The following KCNIP4 variants were observed in gnomAD, a reference collection of about 807,000 sequenced individuals.
KCNIP4 encodes potassium voltage-gated channel interacting protein 4.
KCNIP4 carries 12 observed loss-of-function variants against 34.0 expected under a neutral mutation model. The observed-to-expected ratio is 0.35, with a 90% confidence interval of 0.23 to 0.57. KCNIP4 has a LOEUF of 0.57. Ranked by LOEUF, KCNIP4 falls within the 20% of genes least tolerant of loss-of-function variation. The pLI, the probability that KCNIP4 is intolerant of heterozygous loss-of-function variation, is 0.83. For missense variants in KCNIP4, 238 were observed against 311.7 expected (o/e 0.76, Z 1.78); for synonymous variants, 124 against 102.2 (o/e 1.21, Z -1.29).
At chr4:21,109,100 C>A (rs1479037003) in intron 1 of KCNIP4, among the ~76,000 whole-genome samples, 1 of 152,034 alleles carries the variant, frequency 6.6e-6, no homozygotes, top group Admixed American at 6.6e-5. Flanking sequence ...TCTCCAGCTG[C>A]GTGCTGGGAG....
chr4:21,242,796 A>G (rs537116453), intron 1 of KCNIP4, among the ~76,000 whole-genome samples: 1 of 152,092 alleles, frequency 6.6e-6, no homozygotes, highest in African/African-American at 2.4e-5. Context: ...GCAGACTGCA[A>G]ATCATGAAAC....
intron 1 of KCNIP4, among the ~76,000 whole-genome samples, chr4:21,407,357 C>T (rs1022772388): frequency 9.9e-5 from 15 of 152,090 alleles, no homozygotes; most frequent in African/African-American, 3.4e-4. Flanking sequence ...TATTCTTCCT[C>T]ATTTTACTCA....
At chr4:21,629,508 G>A (rs1577718830) in intron 1 of KCNIP4, among the ~76,000 whole-genome samples, 1 of 152,136 alleles carries the variant, frequency 6.6e-6, no homozygotes, top group South Asian at 2.1e-4. Flanking sequence ...CACTGCTAGT[G>A]TTCTTAGACT....
At chr4:21,731,796 T>C (rs1485048541) in intron 1 of KCNIP4, among the ~76,000 whole-genome samples, 1 of 152,046 alleles carries the variant, frequency 6.6e-6, no homozygotes, top group African/African-American at 2.4e-5. Context: ...CCATATGCCA[T>C]CAAGAGATGA....
chr4:21,936,377 T>C (rs1390607902), intron 1 of KCNIP4, among the ~76,000 whole-genome samples: 1 of 152,120 alleles, frequency 6.6e-6, no homozygotes, highest in African/African-American at 2.4e-5. Context: ...TGCTCTTCCT[T>C]GTCTTCTACC....
chr4:21,893,352 C>T (rs1220076567), intron 1 of KCNIP4, among the ~76,000 whole-genome samples: 2 of 152,128 alleles, frequency 1.3e-5, no homozygotes, highest in African/African-American at 4.8e-5. Context: ...GATGTCGAAA[C>T]AGTTTTTTAT....
intron 1 of KCNIP4, among the ~76,000 whole-genome samples, chr4:21,908,706 G>A (rs1442824969): frequency 1.3e-5 from 2 of 152,136 alleles, no homozygotes; most frequent in African/African-American, 4.8e-5. Context: ...GTTTAGGAAG[G>A]ATTTTAGAGC....
chr4:21,095,261 A>G (rs945188011), intron 1 of KCNIP4, among the ~76,000 whole-genome samples: 2 of 152,146 alleles, frequency 1.3e-5, no homozygotes, highest in Non-Finnish European at 2.9e-5. Context: ...CTGGTTTGGG[A>G]TTATCAGATT....
intron 1 of KCNIP4, among the ~76,000 whole-genome samples, chr4:21,134,045 C>T (rs1412388524): frequency 6.6e-6 from 1 of 152,096 alleles, no homozygotes; most frequent in African/African-American, 2.4e-5. Context: ...TCTAACCCCC[C>T]AAACCCATAA....
At chr4:21,247,574 A>AATATATATATATAT (rs1760304814) in intron 1 of KCNIP4, among the ~76,000 whole-genome samples, 2 of 118,110 alleles carry the variant, frequency 1.7e-5, no homozygotes, top group Non-Finnish European at 3.3e-5. Flanking sequence ...TATAGATATA[A>AATATATATATATAT]ATACATATAT....
At chr4:21,532,563 G>A (rs1736777420) in intron 1 of KCNIP4, among the ~76,000 whole-genome samples, 2 of 152,138 alleles carry the variant, frequency 1.3e-5, no homozygotes, top group South Asian at 4.1e-4. Flanking sequence ...ACCACACATA[G>A]CAGCATTCTG....
Position 21,921,904 on chromosome 4 carries a change from C to A in KCNIP4, c.61+26667G>T, listed in dbSNP as rs146237840. On this transcript the variant is annotated intron_variant, in intron 1 of 8. Coordinates refer to ENST00000382152, the MANE Select transcript of KCNIP4 (RefSeq NM_025221.6). Reference sequence around the variant, plus strand: ...TATCCCATCACTTCTCTGCATAAAACCCTCCTCATAGTGTCCTAACACAGT... The same window carrying A: ...TATCCCATCACTTCTCTGCATAAAAACCTCCTCATAGTGTCCTAACACAGT... Among the ~76,000 whole-genome samples the A allele has an allele frequency of 9.8e-3, 1,492 of 152,210 alleles. 7 individuals carry two copies. Among genetic ancestry groups the A allele is most frequent in the Non-Finnish European group, 0.016 (1,099 of 68,010 alleles).
intron 1 of KCNIP4, chr4:20,983,696 A>C: frequency 1.3e-6 from 1 of 783,254 alleles, no homozygotes; most frequent in Non-Finnish European, 2.0e-6. Context: ...GCTCTATGCC[A>C]AACATGCATA....
intron 1 of KCNIP4, among the ~76,000 whole-genome samples, chr4:20,951,016 A>C (rs528459095): frequency 6.6e-6 from 1 of 152,230 alleles, no homozygotes; most frequent in Non-Finnish European, 1.5e-5. Context: ...GTCTCTAAGA[A>C]AGTAATTAAG....
At chr4:20,949,028 C>T (rs942574099) in intron 1 of KCNIP4, among the ~76,000 whole-genome samples, 1 of 152,144 alleles carries the variant, frequency 6.6e-6, no homozygotes, top group Middle Eastern at 3.2e-3. Context: ...GGGAGTAACT[C>T]CCTATAGGTC....
At chr4:21,074,049 T>C (rs932631478) in intron 1 of KCNIP4, among the ~76,000 whole-genome samples, 1 of 152,236 alleles carries the variant, frequency 6.6e-6, no homozygotes, top group Admixed American at 6.5e-5. Context: ...AAGTATTTTA[T>C]TGAGGATTTT....
Position 21,364,690 on chromosome 4 carries a change from G to A in KCNIP4, c.62-481981C>T, listed in dbSNP as rs73802586. Among the ~76,000 whole-genome samples the A allele has an allele frequency of 8.2e-3, 1,250 of 151,950 alleles. 17 individuals are homozygous for A. The highest frequency in any genetic ancestry group is 0.028 in the African/African-American group (1,178 of 41,440). On this transcript the variant is annotated intron_variant, in intron 1 of 8. Transcript: ENST00000382152. The stretch of plus-strand genomic sequence containing the variant: ...TATGGAACAGTAGATATCAGAAAAA[G>A]CTAAAGGAAATTTCAAGAGCCATAT...
intron 1 of KCNIP4, among the ~76,000 whole-genome samples, chr4:21,077,710 T>G (rs1745616999): frequency 6.6e-6 from 1 of 152,150 alleles, no homozygotes; most frequent in Non-Finnish European, 1.5e-5. Flanking sequence ...TAAATGTGCT[T>G]ATTACTATTC....
intron 1 of KCNIP4, among the ~76,000 whole-genome samples, chr4:21,615,957 C>T (rs140926828): frequency 2.0e-5 from 3 of 152,192 alleles, no homozygotes; most frequent in Admixed American, 6.5e-5. Flanking sequence ...TCTATCCATG[C>T]CCTTTATGGT....
Sources: gnomAD v4.1 joint callset for allele counts (sites outside exome capture counted in the v4.1 genomes callset) on GRCh38, gnomAD v4.1.1 for gene constraint, MANE v1.5 for transcripts, NCBI Gene and HGNC (gene_info 2026-07-23, HGNC 2026-07-21) for gene names.